Variants in GNPDA2 observed in about 807,000 individuals in gnomAD.
The protein encoded by GNPDA2 is glucosamine-6-phosphate deaminase 2.
A neutral mutation model predicts 27.0 loss-of-function variants in GNPDA2; 24 were observed. That is an observed-to-expected ratio of 0.89 (90% CI 0.64 to 1.25). The LOEUF (loss-of-function observed/expected upper bound fraction) is 1.25, where lower values mean the gene tolerates loss of function less well. Ranked by LOEUF, GNPDA2 falls within the 50% of genes most tolerant of loss-of-function variation. The pLI is 0.00. For missense variants in GNPDA2, 286 were observed against 335.1 expected (o/e 0.85, Z 1.14); for synonymous variants, 94 against 108.4 (o/e 0.87, Z 0.83).
intron 6 of GNPDA2, chr4:44,705,365 T>G: frequency 1.0e-6 from 1 of 985,182 alleles, no homozygotes; most frequent in Non-Finnish European, 1.2e-6. Flanking sequence ...GTCTAAATTC[T>G]GTCTTCATAT....
intron 3 of GNPDA2, among the ~76,000 whole-genome samples, chr4:44,717,520 G>A (rs928719988): frequency 6.6e-6 from 1 of 151,654 alleles, no homozygotes; most frequent in African/African-American, 2.4e-5. Flanking sequence ...TCATTTTGTA[G>A]GTGAACAATT....
chr4:44,715,679 A>G, intron 4 of GNPDA2, among the ~76,000 whole-genome samples: 1 of 152,092 alleles, frequency 6.6e-6, no homozygotes, highest in Non-Finnish European at 1.5e-5. Context: ...AAGCAGGAGT[A>G]TGCAAATGTT....
chr4:44,716,326 TA>T (rs986654097), intron 4 of GNPDA2, among the ~76,000 whole-genome samples: 8 of 151,946 alleles, frequency 5.3e-5, no homozygotes, highest in African/African-American at 1.9e-4. Context: ...ATAAGTTATA[TA>T]CAGATAATTT....
intron 4 of GNPDA2, among the ~76,000 whole-genome samples, chr4:44,716,235 T>C (rs773893504): frequency 6.6e-5 from 10 of 151,980 alleles, no homozygotes; most frequent in Admixed American, 2.0e-4. Context: ...ACTTGGCCAC[T>C]TCAAGTATAA....
At chr4:44,714,099 G>A (rs1230900833) in intron 4 of GNPDA2, among the ~76,000 whole-genome samples, 2 of 152,006 alleles carry the variant, frequency 1.3e-5, no homozygotes, top group Non-Finnish European at 2.9e-5. Flanking sequence ...AGCCTCCCGA[G>A]TAGCTGGGAT....
chr4:44,716,613 C>T (rs1717308319), intron 4 of GNPDA2, among the ~76,000 whole-genome samples: 1 of 151,792 alleles, frequency 6.6e-6, no homozygotes, highest in Non-Finnish European at 1.5e-5. Context: ...CTCATATTAA[C>T]TTAAGGCTGG....
At chr4:44,717,991 G>GA (rs1430985830) in intron 3 of GNPDA2, among the ~76,000 whole-genome samples, 1 of 151,594 alleles carries the variant, frequency 6.6e-6, no homozygotes, top group Non-Finnish European at 1.5e-5. Context: ...TCTGCCTTAA[G>GA]AAAAAAAGAG....
Position 44,722,064 on chromosome 4 carries a change from T to G in GNPDA2, c.124+20A>C. ...ATTTAGATAATATCAGAATATAAAA[T>G]GGAAAAAGTAGTTAATTACCTGTTG... is the stretch of plus-strand genomic sequence containing the variant. On this transcript the variant is annotated intron_variant, in intron 2 of 6. Coordinates refer to ENST00000295448, the MANE Select transcript of GNPDA2 (RefSeq NM_138335.3). 6.4e-7 allele frequency: 1 copy of G among 1,557,254 alleles called. No individual in the cohort carries two copies. The highest frequency in any genetic ancestry group is 8.8e-7 in the Non-Finnish European group (1 of 1,135,820).
At position 44,702,990 on chromosome 4, in the gene GNPDA2, C is replaced by T; in HGVS notation, c.*91G>A. ...AAAAATGACAATCTTCAAAATTCCCCATGTTTTGTCATATTGCATAGCTGA... is the reference window on the plus strand; with the variant it reads ...AAAAATGACAATCTTCAAAATTCCCTATGTTTTGTCATATTGCATAGCTGA... On this transcript the variant is annotated 3_prime_UTR_variant, in exon 7 of 7. Transcript: ENST00000295448. The T allele has an allele frequency of 6.4e-7, 1 of 1,564,718 alleles. No homozygotes were observed. The highest frequency in any genetic ancestry group is 8.6e-7 in the Non-Finnish European group (1 of 1,164,612).
chr4:44,703,688 T>C (rs1323142482), intron 6 of GNPDA2: 1 of 983,532 alleles, frequency 1.0e-6, no homozygotes, highest in African/African-American at 1.7e-5. Context: ...CAACCTGTAT[T>C]AAATCATTTA....
intron 3 of GNPDA2, among the ~76,000 whole-genome samples, chr4:44,717,839 A>G (rs1450062637): frequency 6.6e-6 from 1 of 151,924 alleles, no homozygotes; most frequent in Non-Finnish European, 1.5e-5. Flanking sequence ...CAGAGTTTCT[A>G]TGCATCACAG....
chr4:44,706,454 T>G (rs750993001), intron 6 of GNPDA2: 1 of 151,964 alleles, frequency 6.6e-6, no homozygotes, highest in Non-Finnish European at 1.5e-5. Flanking sequence ...ATGATCAGCA[T>G]TTTGTTTAAA....
At chr4:44,710,889 A>C in intron 5 of GNPDA2, 64 bp downstream of exon 5, 1 of 1,258,394 alleles carries the variant, frequency 7.9e-7, no homozygotes. Flanking sequence ...CAGCATCATA[A>C]CTCCTCCAAA....
At chr4:44,714,113 A>T (rs898814568) in intron 4 of GNPDA2, 1 of 159,838 alleles carries the variant, frequency 6.3e-6, no homozygotes, top group Non-Finnish European at 1.3e-5. Context: ...CTGGGATTAC[A>T]GGCATGCACC....
At chr4:44,715,034 TAAACA>T (rs1424784018) in intron 4 of GNPDA2, among the ~76,000 whole-genome samples, 1 of 152,136 alleles carries the variant, frequency 6.6e-6, no homozygotes, top group African/African-American at 2.4e-5. Flanking sequence ...GTGTCAGTGA[TAAACA>T]TATATAATTA....
intron 3 of GNPDA2, among the ~76,000 whole-genome samples, chr4:44,717,949 C>T (rs781593911): frequency 1.3e-5 from 2 of 151,806 alleles, no homozygotes; most frequent in South Asian, 2.1e-4. Context: ...TTTACATGTA[C>T]GTTAGTTTAT....
At chr4:44,718,773 T>C (rs1201575848) in intron 2 of GNPDA2, among the ~76,000 whole-genome samples, 10 of 151,964 alleles carry the variant, frequency 6.6e-5, no homozygotes, top group Admixed American at 6.6e-4. Flanking sequence ...ACAAATGATA[T>C]GTAAATAGGT....
At position 44,703,092 on chromosome 4, in the gene GNPDA2, C is replaced by T; in HGVS notation, c.820G>A (p.Asp274Asn). ...KLVDPLFSMK[D>N]GN ...TGCTCCAGTCTCCTTCAGTTTCCATCTTTCATACTGAATAGTGGATCCACA... is the reference window on the plus strand; with the variant it reads ...TGCTCCAGTCTCCTTCAGTTTCCATTTTTCATACTGAATAGTGGATCCACA... Residue 274 changes from aspartate (D) to asparagine (N), a missense_variant, in exon 7 of 7, where the codon GAT becomes AAT. By Grantham distance (23) the Asp-to-Asn change is conservative (BLOSUM62 1). Transcript: ENST00000295448. 1 of 1,611,860 alleles carries T rather than the reference C, an allele frequency of 6.2e-7. No homozygotes were observed. Among genetic ancestry groups the T allele is most frequent in the South Asian group, 1.1e-5 (1 of 90,680 alleles).
chr4:44,722,024 T>G (rs986867113), intron 2 of GNPDA2, 60 bp downstream of exon 2: 1 of 1,288,882 alleles, frequency 7.8e-7, no homozygotes, highest in Non-Finnish European at 1.1e-6. Flanking sequence ...AACCCTTCAA[T>G]TCCATCAGAA....
Sources: gnomAD v4.1 joint callset for allele counts (sites outside exome capture counted in the v4.1 genomes callset) on GRCh38, gnomAD v4.1.1 for gene constraint, MANE v1.5 for transcripts, NCBI Gene and HGNC (gene_info 2026-07-23, HGNC 2026-07-21) for gene names.